The following UBA2 variants were observed in gnomAD, a reference collection of about 807,000 sequenced individuals.
UBA2 encodes SUMO-activating enzyme subunit 2.
A neutral mutation model predicts 77.2 loss-of-function variants in UBA2; 11 were observed. The ratio of observed to expected loss-of-function variants is 0.14; its 90% CI spans 0.09 to 0.24. The LOEUF is 0.24. Ranked by LOEUF, UBA2 falls within the 10% of genes least tolerant of loss-of-function variation. The probability of loss-of-function intolerance (pLI) is 1.00; values close to 1 mark genes in which losing one functional copy is unlikely to be tolerated. For missense variants in UBA2, 487 were observed against 781.7 expected, an observed-to-expected ratio of 0.62 and a Z score of 4.50; for synonymous variants, 278 against 276.7, an observed-to-expected ratio of 1.00 and a Z score of -0.05.
At chr19:34,444,047 T>TTG (rs1568373216) in intron 7 of UBA2, 136 bp downstream of exon 7, 88 of 61,476 alleles carry the variant, frequency 1.4e-3, no homozygotes, top group South Asian at 4.7e-3. Flanking sequence ...TTTTTTTGTT[T>TTG]TTTTTTTTTT....
chr19:34,469,586 A>G lies in UBA2; in HGVS notation c.*365A>G, dbSNP rs2075719779. 1 of 154,338 alleles carries G rather than the reference A, an allele frequency of 6.5e-6. No homozygotes were observed. Among genetic ancestry groups the G allele is most frequent in the Non-Finnish European group, 1.4e-5 (1 of 69,284 alleles). 9.6% of individuals were successfully genotyped at this position (154,338 alleles called of 1,614,324 possible). A position where few individuals can be genotyped will look rare whatever the true frequency, so the allele number is the denominator to read the frequency against. The stretch of plus-strand genomic sequence containing the variant: ...AAATATTATGCCTTTATTTTTGGCT[A>G]GAAGAAGAATTATTTTTAGCCTAGA... On this transcript the variant is annotated 3_prime_UTR_variant, in exon 17 of 17. Coordinates refer to ENST00000246548, the MANE Select transcript of UBA2 (RefSeq NM_005499.3).
chr19:34,463,588 ATT>A (rs2075655714), intron 14 of UBA2, among the ~76,000 whole-genome samples: 4 of 151,984 alleles, frequency 2.6e-5, no homozygotes, highest in Non-Finnish European at 5.9e-5. Context: ...TGATTGATTG[ATT>A]GATTGATTGA....
chr19:34,431,820 A>G (rs780152033), intron 2 of UBA2, 41 bp from the exon 3 acceptor site: 44 of 1,554,858 alleles, frequency 2.8e-5, no homozygotes, highest in Non-Finnish European at 3.7e-5. Context: ...TCAGATAGGA[A>G]CAGAAATATT....
intron 6 of UBA2, among the ~76,000 whole-genome samples, chr19:34,443,123 G>C (rs575241796): frequency 6.6e-6 from 1 of 152,270 alleles, no homozygotes; most frequent in African/African-American, 2.4e-5. Context: ...AGTTAATCTT[G>C]TTCATTGCTG....
Position 34,431,893 on chromosome 19 carries a change from G to A in UBA2, c.255G>A (p.Pro85=), listed in dbSNP as rs772167417. 56 of 1,613,768 alleles carry A rather than the reference G, an allele frequency of 3.5e-5. No homozygotes were observed. The highest frequency in any genetic ancestry group is 4.6e-5 in the Non-Finnish European group (54 of 1,179,920). The change falls in exon 3 of 17, where the codon CCG becomes CCA. Residue 85 remains proline, a synonymous_variant. Transcript: ENST00000246548. ...AGGAAAGTGTACTGCAGTTTTACCC[G>A]AAAGCTAATATCGTTGCCTACCATG... ...VAKESVLQFY[P]KANIVAYHDS...
At chr19:34,433,453 C>T (rs1258868912) in intron 4 of UBA2, 41 bp downstream of exon 4, 8 of 1,269,390 alleles carry the variant, frequency 6.3e-6, no homozygotes, top group Admixed American at 3.7e-5. Flanking sequence ...AGTATTTCCT[C>T]TCTCCCATAT....
At chr19:34,463,891 A>G in intron 14 of UBA2, 135 bp from the exon 15 acceptor site, 1 of 640,676 alleles carries the variant, frequency 1.6e-6, no homozygotes, top group Admixed American at 2.7e-5. Context: ...GATACTGGGG[A>G]TTAGGGTTTC....
At chr19:34,465,914 T>C (rs1332361851) in intron 15 of UBA2, among the ~76,000 whole-genome samples, 1 of 152,160 alleles carries the variant, frequency 6.6e-6, no homozygotes, top group East Asian at 1.9e-4. Flanking sequence ...ACGTGTGTCT[T>C]TTGTTTGACT....
At chr19:34,429,031 C>T in intron 1 of UBA2, 1 of 985,456 alleles carries the variant, frequency 1.0e-6, no homozygotes, top group African/African-American at 1.7e-5. Flanking sequence ...GCGCTGGTCA[C>T]GAGCGGGTTT....
At chr19:34,454,603 CATTA>C (rs2075538055) in intron 12 of UBA2, 47 bp downstream of exon 12, 8 of 980,414 alleles carry the variant, frequency 8.2e-6, no homozygotes, top group Non-Finnish European at 1.2e-5. Flanking sequence ...TTAAAAAAAT[CATTA>C]ATTAAAAGTA....
chr19:34,450,156 G>A, intron 8 of UBA2, 109 bp from the exon 9 acceptor site: 1 of 716,968 alleles, frequency 1.4e-6, no homozygotes, highest in East Asian at 3.0e-5. Flanking sequence ...TATATGACAT[G>A]TATCTTTAAA....
At chr19:34,431,967 G>A (rs143291816) in intron 3 of UBA2, 36 bp downstream of exon 3, 7 of 171,416 alleles carry the variant, frequency 4.1e-5, no homozygotes, top group Non-Finnish European at 6.0e-5. Flanking sequence ...AGTTGTATAA[G>A]GGTTTTGTAA....
chr19:34,444,958 A>G (rs778045326), intron 7 of UBA2, 42 bp from the exon 8 acceptor site: 4 of 1,592,878 alleles, frequency 2.5e-6, no homozygotes, highest in Admixed American at 1.8e-5. Flanking sequence ...GTTCAGTTCT[A>G]CATTTATTAC....
At chr19:34,457,959 A>G (rs932402340) in intron 12 of UBA2, among the ~76,000 whole-genome samples, 2 of 152,088 alleles carry the variant, frequency 1.3e-5, no homozygotes, top group African/African-American at 2.4e-5. Flanking sequence ...TTTTTCCCTC[A>G]TTATATAAAT....
intron 5 of UBA2, among the ~76,000 whole-genome samples, chr19:34,437,928 G>A (rs577595735): frequency 1.4e-4 from 22 of 152,176 alleles, no homozygotes; most frequent in African/African-American, 5.1e-4. Context: ...GGTGGGAGAT[G>A]CCTGTAATCC....
intron 7 of UBA2, 122 bp downstream of exon 7, chr19:34,444,033 GTTTTTTTTTTGTTTTTTTTTT>G: frequency 4.9e-6 from 1 of 202,742 alleles, no homozygotes; most frequent in Non-Finnish European, 8.8e-6. Context: ...TTTAACATGT[GTTTTTTTTTTGTTTTTTTTTT>G]TTTTTTTTTT....
rs1328346088 is a variant in UBA2 at position 34,470,400 on chromosome 19, G to T, written c.*1179G>T. Reference sequence around the variant, plus strand: ...GGTGGTGGTGCACATCTGTGTTCCAGCTACTCAGGAGGCTGAGGCAGGAGG... The same window carrying T: ...GGTGGTGGTGCACATCTGTGTTCCATCTACTCAGGAGGCTGAGGCAGGAGG... On this transcript the variant is annotated 3_prime_UTR_variant, in exon 17 of 17. Coordinates refer to ENST00000246548, the MANE Select transcript of UBA2 (RefSeq NM_005499.3). The T allele has an allele frequency of 6.6e-6, 1 of 152,260 alleles. No homozygotes were observed. Among genetic ancestry groups the T allele is most frequent in the Non-Finnish European group, 1.5e-5 (1 of 68,076 alleles). 9.4% of individuals were successfully genotyped at this position (152,260 alleles called of 1,614,324 possible). A position where few individuals can be genotyped will look rare whatever the true frequency, so the allele number is the denominator to read the frequency against.
Position 34,434,978 on chromosome 19 carries a change from A to C in UBA2, c.459+10A>C, listed in dbSNP as rs1474001028. 4 of 1,569,312 alleles carry C rather than the reference A, an allele frequency of 2.5e-6. No homozygotes were observed. The Admixed American group carries it at 7.4e-5, about 29-fold the overall frequency. Reference sequence around the variant, plus strand: ...AACTACTATCAAAAAGGTAAAGAAAAGTTTTATTTTTTTAACTTCCCAAAT... The same window carrying C: ...AACTACTATCAAAAAGGTAAAGAAACGTTTTATTTTTTTAACTTCCCAAAT... On this transcript the variant is annotated intron_variant, in intron 5 of 16. Coordinates refer to ENST00000246548, the MANE Select transcript of UBA2 (RefSeq NM_005499.3).
chr19:34,452,270 G>T (rs539427775), intron 10 of UBA2, 123 bp downstream of exon 10: 8 of 909,628 alleles, frequency 8.8e-6, no homozygotes, highest in Non-Finnish European at 1.3e-5. Flanking sequence ...TATTGATTTG[G>T]CTTGGATATT....
Sources: gnomAD v4.1 joint callset for allele counts (sites outside exome capture counted in the v4.1 genomes callset) on GRCh38, gnomAD v4.1.1 for gene constraint, MANE v1.5 for transcripts, NCBI Gene and HGNC (gene_info 2026-07-23, HGNC 2026-07-21) for gene names.